The following SPG11 variants were observed in gnomAD, a reference collection of about 807,000 sequenced individuals.
SPG11 encodes SPG11 vesicle trafficking associated, spatacsin.
Under a neutral mutation model 274.0 loss-of-function variants are expected in SPG11, and 222 were observed. The ratio of observed to expected loss-of-function variants is 0.81; its 90% confidence interval spans 0.73 to 0.91. The LOEUF (loss-of-function observed/expected upper bound fraction) is 0.91, where lower values mean the gene tolerates loss of function less well. Ranked by LOEUF, SPG11 falls within the 40% of genes least tolerant of loss-of-function variation. SPG11 has a pLI of 0.00. For missense variants in SPG11, 3,114 were observed against 2,872.7 expected (o/e 1.08, Z -1.92); for synonymous variants, 1,144 against 1,039.7 (o/e 1.10, Z -1.93).
chr15:44,585,525 C>T (rs2082739943), intron 29 of SPG11, 111 bp downstream of exon 29: 1 of 851,892 alleles, frequency 1.2e-6, no homozygotes, highest in Non-Finnish European at 1.9e-6. Context: ...TTGCATGAAC[C>T]CGAGAGGCGG....
At chr15:44,618,850 C>T (rs929569051) in intron 15 of SPG11, among the ~76,000 whole-genome samples, 1 of 151,890 alleles carries the variant, frequency 6.6e-6, no homozygotes, top group Non-Finnish European at 1.5e-5. Context: ...ACGGAGTTTG[C>T]ATCTATGCTT....
At chr15:44,622,556 T>A in intron 12 of SPG11, 172 bp downstream of exon 12, 1 of 741,840 alleles carries the variant, frequency 1.3e-6, no homozygotes, top group Non-Finnish European at 2.2e-6. Flanking sequence ...TGTAAAATAG[T>A]CATTGAAGAA....
chr15:44,599,982 G>T (rs1252836191), intron 21 of SPG11, among the ~76,000 whole-genome samples: 1 of 152,090 alleles, frequency 6.6e-6, no homozygotes, highest in East Asian at 1.9e-4. Flanking sequence ...CATGCATTAG[G>T]TATTTGTCCT....
chr15:44,662,179 C>T (rs1425449550), intron 1 of SPG11, among the ~76,000 whole-genome samples: 2 of 152,090 alleles, frequency 1.3e-5, no homozygotes, highest in East Asian at 3.8e-4. Context: ...AAACTAAACG[C>T]AGAGATTCCT....
intron 4 of SPG11, among the ~76,000 whole-genome samples, chr15:44,654,621 T>G (rs1566829370): frequency 1.3e-5 from 2 of 152,122 alleles, no homozygotes; most frequent in South Asian, 2.1e-4. Context: ...GGGCGGATCA[T>G]CTGAGGTCAT....
intron 38 of SPG11, 72 bp downstream of exon 38, chr15:44,565,782 C>T: frequency 6.3e-7 from 1 of 1,590,594 alleles, no homozygotes; most frequent in Non-Finnish European, 8.6e-7. Context: ...GACCTTACCT[C>T]TGGGTTCCAT....
At chr15:44,640,370 C>A (rs2084404993) in intron 7 of SPG11, among the ~76,000 whole-genome samples, 1 of 151,638 alleles carries the variant, frequency 6.6e-6, no homozygotes, top group Non-Finnish European at 1.5e-5. Flanking sequence ...AAAGACCTGC[C>A]CCGCCCCCCA....
At chr15:44,619,468 G>C (rs1038864547) in intron 15 of SPG11, among the ~76,000 whole-genome samples, 2 of 152,074 alleles carry the variant, frequency 1.3e-5, no homozygotes, top group African/African-American at 4.8e-5. Flanking sequence ...ATCACTTCAA[G>C]AGCTACTTCC....
At chr15:44,636,585 C>G (rs1219971047) in intron 7 of SPG11, among the ~76,000 whole-genome samples, 3 of 151,802 alleles carry the variant, frequency 2.0e-5, no homozygotes, top group Non-Finnish European at 1.5e-5. Flanking sequence ...TAGCGTGAAC[C>G]TGGGCGGCGG....
chr15:44,639,455 G>C (rs1025594997), intron 7 of SPG11, among the ~76,000 whole-genome samples: 1 of 152,090 alleles, frequency 6.6e-6, no homozygotes, highest in African/African-American at 2.4e-5. Context: ...CGTAATCCCA[G>C]CACTTCTGAA....
At chr15:44,637,473 C>T (rs547042720) in intron 7 of SPG11, among the ~76,000 whole-genome samples, 7 of 152,186 alleles carry the variant, frequency 4.6e-5, no homozygotes, top group African/African-American at 7.2e-5. Context: ...CCACCATACC[C>T]GGCTAATTTT....
At chr15:44,633,123 G>A (rs945980655) in intron 8 of SPG11, among the ~76,000 whole-genome samples, 9 of 151,682 alleles carry the variant, frequency 5.9e-5, no homozygotes, top group African/African-American at 2.2e-4. Context: ...AGGATTGTTT[G>A]AGCCCAGGAG....
chr15:44,633,039 AAC>A (rs955073186), intron 8 of SPG11, among the ~76,000 whole-genome samples: 1 of 152,236 alleles, frequency 6.6e-6, no homozygotes. Context: ...AGAATCTGAT[AAC>A]ACTGCCAAAT....
Position 44,569,447 on chromosome 15 carries a change from A to C in SPG11, c.6536T>G (p.Leu2179Arg). 6.2e-7 allele frequency: 1 copy of C among 1,606,930 alleles called. No individual in the cohort carries two copies. Among genetic ancestry groups the C allele is most frequent in the South Asian group, 1.1e-5 (1 of 89,640 alleles). ...CACTTCAAAGTAGTGCTTTTTATGCAGCAAATCAAATATGTATGTCATCTC... is the reference window on the plus strand; with the variant it reads ...CACTTCAAAGTAGTGCTTTTTATGCCGCAAATCAAATATGTATGTCATCTC... Reference protein sequence around the residue: ...YNEMTYIFDLLHKKHYFEVLM... With the variant: ...YNEMTYIFDLRHKKHYFEVLM... The change falls in exon 35 of 40, where the codon CTG becomes CGG. Residue 2179 changes from leucine (L) to arginine (R), a missense_variant. Leu to Arg is a moderately radical substitution (Grantham distance 102, BLOSUM62 -2). Transcript: ENST00000261866.
At chr15:44,663,355 A>C (rs760190713) in intron 1 of SPG11, 36 bp downstream of exon 1, 1 of 1,593,846 alleles carries the variant, frequency 6.3e-7, no homozygotes, top group Admixed American at 1.7e-5. Context: ...TAGGCTCTGG[A>C]CTCCCCCAAC....
Position 44,585,803 on chromosome 15 carries a change from T to C in SPG11, c.4954A>G (p.Thr1652Ala). Reference protein sequence around the residue: ...LCILCQILKDTSIAINHTIIT... With the variant: ...LCILCQILKDASIAINHTIIT... ...ATTGTATGATTAATGGCTATGGATG[T>C]ATCCTTCAAAATCTGGCAAAGGATG... Residue 1652 changes from threonine (T) to alanine (A), a missense_variant, in exon 29 of 40, where the codon ACA (threonine) becomes GCA (alanine). Thr to Ala is a moderately conservative substitution (Grantham distance 58). Transcript: ENST00000261866. 2 of 1,614,042 alleles carry C rather than the reference T, an allele frequency of 1.2e-6. No homozygotes were observed. Among genetic ancestry groups the C allele is most frequent in the Non-Finnish European group, 8.5e-7 (1 of 1,179,982 alleles).
intron 7 of SPG11, among the ~76,000 whole-genome samples, chr15:44,642,235 C>T: frequency 6.6e-6 from 1 of 151,150 alleles, no homozygotes. Flanking sequence ...TGTGGTGGCA[C>T]GTGTCTGTAA....
chr15:44,595,021 T>C (rs1460614644), intron 26 of SPG11, among the ~76,000 whole-genome samples: 2 of 152,138 alleles, frequency 1.3e-5, no homozygotes, highest in East Asian at 1.9e-4. Context: ...TTCACCATGT[T>C]GAACAGGCTG....
At chr15:44,657,653 TGA>T (rs1193875421) in intron 3 of SPG11, among the ~76,000 whole-genome samples, 9 of 152,216 alleles carry the variant, frequency 5.9e-5, no homozygotes, top group Non-Finnish European at 8.8e-5. Flanking sequence ...GTATAAAAAC[TGA>T]GACATTTTAT....
Sources: allele counts gnomAD v4.1 joint callset (sites outside exome capture counted in the v4.1 genomes callset), GRCh38; gene constraint gnomAD v4.1.1; transcripts MANE v1.5; gene names NCBI Gene and HGNC (gene_info 2026-07-23, HGNC 2026-07-21).